TENT4B: variants seen among roughly 807,000 people sequenced by gnomAD.
TENT4B encodes PAP associated domain containing 5.
Under a neutral mutation model 75.0 loss-of-function variants are expected in TENT4B, and 10 were observed. The observed-to-expected ratio is 0.13, with a 90% CI of 0.08 to 0.23. The LOEUF is 0.23. Among genes scored for constraint, TENT4B ranks in the 10% least tolerant of loss-of-function variants. The probability of loss-of-function intolerance (pLI) is 1.00; values close to 1 mark genes in which losing one functional copy is unlikely to be tolerated. For missense variants in TENT4B, 579 were observed against 893.8 expected (o/e 0.65, Z 4.49); for synonymous variants, 350 against 357.7 (o/e 0.98, Z 0.24).
At chr16:50,192,565 G>A (rs1276283242) in intron 1 of TENT4B, among the ~76,000 whole-genome samples, 1 of 152,124 alleles carries the variant, frequency 6.6e-6, no homozygotes, top group Non-Finnish European at 1.5e-5. Context: ...ATATTATGGA[G>A]CCTGTGTATT....
intron 1 of TENT4B, among the ~76,000 whole-genome samples, chr16:50,200,720 C>T (rs1439021888): frequency 1.3e-5 from 2 of 151,816 alleles, no homozygotes; most frequent in African/African-American, 4.8e-5. Context: ...AAAATGGGTT[C>T]ATTTTCTTAT....
At chr16:50,196,258 T>C (rs78230793) in intron 1 of TENT4B, among the ~76,000 whole-genome samples, 1,552 of 152,338 alleles carry the variant, frequency 0.01, 21 homozygotes, top group Non-Finnish European at 0.016. Flanking sequence ...TGTGATCTGC[T>C]GGTTGGCAGC....
At chr16:50,154,333 G>A in intron 1 of TENT4B, 74 bp downstream of exon 1, 1 of 1,380,102 alleles carries the variant, frequency 7.2e-7, no homozygotes, top group Non-Finnish European at 9.3e-7. Flanking sequence ...ACAGAGGGGG[G>A]TTGTGAGGGT....
rs1446381355 is a variant in TENT4B at position 50,153,753 on chromosome 16, C to G, written c.132C>G (p.Gly44=). 8 of 1,067,738 alleles carry G rather than the reference C, an allele frequency of 7.5e-6. No individual in the cohort carries two copies. Among genetic ancestry groups the G allele is most frequent in the Non-Finnish European group, 9.0e-6 (8 of 884,160 alleles). The allele number at this position is 1,067,738 out of a possible 1,614,324, so 66.1% of individuals were successfully genotyped here. A position where few individuals can be genotyped will look rare whatever the true frequency, so the allele number is the denominator to read the frequency against. The part of the protein sequence containing the change: ...YFNHHCHSSG[G]ASGGGGSSSS... ...ACCACCACTGTCACAGCAGCGGCGGCGCGAGCGGCGGCGGCGGCAGCAGCA... is the reference window on the plus strand; with the variant it reads ...ACCACCACTGTCACAGCAGCGGCGGGGCGAGCGGCGGCGGCGGCAGCAGCA... Residue 44 remains glycine (G), a synonymous_variant, in exon 1 of 12, where the codon GGC becomes GGG. Coordinates refer to ENST00000561678, the MANE Select transcript of TENT4B (RefSeq NM_001365324.3).
At position 50,221,384 on chromosome 16, in the gene TENT4B, A is replaced by C. The variant is rs536629316; in HGVS notation, c.1039-922A>C. On this transcript the variant is annotated intron_variant, in intron 5 of 11. Transcript: ENST00000561678. ...GCATGGTTTACAGAGGAGTGAATGA[A>C]TATGTGCACAGCAAAAGGTGGACTC... 4.1e-4 allele frequency among the ~76,000 whole-genome samples: 63 copies of C among 152,306 alleles called. No individual in the cohort carries two copies. In the South Asian group the frequency reaches 0.012, roughly 30 times the overall value.
At position 50,233,703 on chromosome 16, in the gene TENT4B, T is replaced by G. The variant is rs552160552; in HGVS notation, c.*4375T>G. The G allele has an allele frequency of 4.4e-4, 437 of 984,826 alleles. 1 individual carries two copies. Among genetic ancestry groups the G allele is most frequent in the Admixed American group, 3.0e-3 (49 of 16,264 alleles). The allele number at this position is 984,826 out of a possible 1,614,324, so 61.0% of individuals were successfully genotyped here. A position where few individuals can be genotyped will look rare whatever the true frequency, so the allele number is the denominator to read the frequency against. ...GTTTTTGGTTTTTTTAAAAAAAATG[T>G]GTTTGGCCTTTACATTTTCTACTTA... On this transcript the variant is annotated 3_prime_UTR_variant, in exon 12 of 12. Transcript: ENST00000561678.
At chr16:50,190,910 C>T (rs1001481547) in intron 1 of TENT4B, among the ~76,000 whole-genome samples, 2 of 151,994 alleles carry the variant, frequency 1.3e-5, no homozygotes, top group East Asian at 3.8e-4. Flanking sequence ...ACATTTTTAT[C>T]TTTCTGACAG....
At position 50,233,110 on chromosome 16, in the gene TENT4B, AT is replaced by A; in HGVS notation, c.*3784del. On this transcript the variant is annotated 3_prime_UTR_variant, in exon 12 of 12. Coordinates refer to ENST00000561678, the MANE Select transcript of TENT4B (RefSeq NM_001365324.3). Reference sequence around the variant, plus strand: ...TCTATAAATGCGTCTAACAAACCTAATTGAATATAAAAGTTATATTTAGTAG... The same window carrying A: ...TCTATAAATGCGTCTAACAAACCTAATGAATATAAAAGTTATATTTAGTAG... The A allele has an allele frequency of 5.1e-6, 5 of 983,478 alleles. No individual in the cohort carries two copies. The highest frequency in any genetic ancestry group is 6.0e-6 in the Non-Finnish European group (5 of 828,116). 60.9% of individuals were successfully genotyped at this position (983,478 alleles called of 1,614,324 possible).
chr16:50,230,337 C>CA lies in TENT4B; in HGVS notation c.*1010dup, dbSNP rs750256765. 4 of 980,264 alleles carry CA rather than the reference C, an allele frequency of 4.1e-6. No individual in the cohort carries two copies. Among genetic ancestry groups the CA allele is most frequent in the African/African-American group, 3.6e-5 (2 of 56,128 alleles). The allele number at this position is 980,264 out of a possible 1,614,324, so 60.7% of individuals were successfully genotyped here. On this transcript the variant is annotated 3_prime_UTR_variant, in exon 12 of 12. Coordinates refer to ENST00000561678, the MANE Select transcript of TENT4B (RefSeq NM_001365324.3). Reference sequence around the variant, plus strand: ...AAAAAAGGTCACCCATGTCTGGTCTCATTCCTGTTGCAGTGAAACTTCGAG... The same window carrying CA: ...AAAAAAGGTCACCCATGTCTGGTCTCAATTCCTGTTGCAGTGAAACTTCGAG...
intron 1 of TENT4B, among the ~76,000 whole-genome samples, chr16:50,165,368 G>A (rs79341420): frequency 2.0e-5 from 3 of 151,894 alleles, no homozygotes; most frequent in Non-Finnish European, 4.4e-5. Context: ...CAAAATATGC[G>A]TGTAATGAAA....
intron 1 of TENT4B, among the ~76,000 whole-genome samples, chr16:50,157,512 C>T (rs1160944387): frequency 6.6e-6 from 1 of 152,218 alleles, no homozygotes; most frequent in Admixed American, 6.5e-5. Flanking sequence ...AGCTCATCAT[C>T]TCAGACTTCT....
intron 1 of TENT4B, among the ~76,000 whole-genome samples, chr16:50,160,541 T>C (rs2037984601): frequency 6.6e-6 from 1 of 152,178 alleles, no homozygotes; most frequent in Admixed American, 6.5e-5. Flanking sequence ...CATCTCAATT[T>C]CTTCCGTGAA....
chr16:50,165,859 G>C lies in TENT4B; in HGVS notation c.638+11600G>C, dbSNP rs538439725. Among the ~76,000 whole-genome samples the C allele has an allele frequency of 3.2e-3, 491 of 152,190 alleles. 7 individuals are homozygous for C. Among genetic ancestry groups the C allele is most frequent in the Middle Eastern group, 0.01 (3 of 294 alleles). ...TTTAGGTTGTTTCCATTTTTTGGCT[G>C]TTATGAATATTACTGCTGTAGACGT... On this transcript the variant is annotated intron_variant, in intron 1 of 11. Transcript: ENST00000561678.
chr16:50,154,059 C>T lies in TENT4B; in HGVS notation c.438C>T (p.Pro146=), dbSNP rs976033313. Reference sequence around the variant, plus strand: ...CCCCGCACCCTTCGGCCGCCGTCCCCGCCGCCGATCCAGCCGATTCGGCCT... The same window carrying T: ...CCCCGCACCCTTCGGCCGCCGTCCCTGCCGCCGATCCAGCCGATTCGGCCT... ...SSSPHPSAAV[P]AADPADSASG... Residue 146 remains proline, a synonymous_variant, in exon 1 of 12, where the codon CCC becomes CCT. Transcript: ENST00000561678. The T allele has an allele frequency of 7.2e-6, 11 of 1,531,410 alleles. No homozygotes were observed. The highest frequency in any genetic ancestry group is 1.2e-5 in the South Asian group (1 of 83,406). 94.9% of individuals were successfully genotyped at this position (1,531,410 alleles called of 1,614,324 possible). A position where few individuals can be genotyped will look rare whatever the true frequency, so the allele number is the denominator to read the frequency against.
At chr16:50,170,158 T>TA (rs2038178518) in intron 1 of TENT4B, among the ~76,000 whole-genome samples, 1 of 152,038 alleles carries the variant, frequency 6.6e-6, no homozygotes, top group Admixed American at 6.6e-5. Context: ...TAGCTGGGAT[T>TA]ACAGGCGCCT....
Position 50,233,488 on chromosome 16 carries a change from C to A in TENT4B, c.*4160C>A, listed in dbSNP as rs532548101. ...GTTCTAAGCCATCTTGACTTCACACCCTTAGCGACTTTTCTTTTTTTTTTG... is the reference window on the plus strand; with the variant it reads ...GTTCTAAGCCATCTTGACTTCACACACTTAGCGACTTTTCTTTTTTTTTTG... On this transcript the variant is annotated 3_prime_UTR_variant, in exon 12 of 12. Transcript: ENST00000561678. The A allele has an allele frequency of 6.5e-5, 64 of 985,150 alleles. No individual in the cohort carries two copies. Among genetic ancestry groups the A allele is most frequent in the South Asian group, 6.1e-4 (13 of 21,282 alleles). The allele number at this position is 985,150 out of a possible 1,614,324, so 61.0% of individuals were successfully genotyped here.
intron 1 of TENT4B, among the ~76,000 whole-genome samples, chr16:50,166,780 A>ATTTTTTTTTTTTTTTTTTTTTTTTT (rs57856238): frequency 8.7e-6 from 1 of 115,280 alleles, no homozygotes; most frequent in Non-Finnish European, 1.8e-5. Context: ...TGCCTGGCTA[A>ATTTTTTTTTTTTTTTTTTTTTTTTT]TTTTTTTTTT....
chr16:50,221,089 C>T (rs952819884), intron 5 of TENT4B, among the ~76,000 whole-genome samples: 3 of 152,008 alleles, frequency 2.0e-5, no homozygotes, highest in African/African-American at 7.3e-5. Flanking sequence ...GAGTTCAAGA[C>T]CAGCCCGGGC....
At chr16:50,160,492 A>G (rs1269682913) in intron 1 of TENT4B, among the ~76,000 whole-genome samples, 1 of 152,196 alleles carries the variant, frequency 6.6e-6, no homozygotes, top group Admixed American at 6.5e-5. Context: ...GGGGGTGTGT[A>G]TTAGAAAAAT....
Sources: gnomAD v4.1 joint callset for allele counts (sites outside exome capture counted in the v4.1 genomes callset) on GRCh38, gnomAD v4.1.1 for gene constraint, MANE v1.5 for transcripts, NCBI Gene and HGNC (gene_info 2026-07-23, HGNC 2026-07-21) for gene names.